Variants in CXCL12 observed in about 807,000 individuals in gnomAD.
CXCL12 encodes the protein stromal cell-derived factor 1.
Under a neutral mutation model 10.7 loss-of-function variants are expected in CXCL12, and 4 were observed. The observed-to-expected ratio is 0.37, with a 90% CI of 0.18 to 0.86. The LOEUF (loss-of-function observed/expected upper bound fraction) is 0.86, where lower values mean the gene tolerates loss of function less well. CXCL12 is among the 40% of genes least tolerant of loss of function. The pLI is 0.43. For synonymous variants in CXCL12, 54 were observed against 45.4 expected (o/e 1.19, Z -0.77); for missense variants, 122 against 110.4 (o/e 1.10, Z -0.47).
In CXCL12 at chr10:44,384,811, C is replaced by A. The variant is rs768541317; in HGVS notation, c.61+134G>T. ...CGCGACACCGCACCAGAGCGCCCAG[C>A]TAAGCGAGCTGCCTCCACCCCCACT... On this transcript the variant is annotated intron_variant, in intron 1 of 2. Transcript: ENST00000343575. 213 of 852,464 alleles carry A rather than the reference C, an allele frequency of 2.5e-4. 2 individuals are homozygous for A. Among genetic ancestry groups the A allele is most frequent in the Middle Eastern group, 1.1e-3 (3 of 2,780 alleles). The allele number at this position is 852,464 out of a possible 1,614,324, so 52.8% of individuals were successfully genotyped here. A position where few individuals can be genotyped will look rare whatever the true frequency, so the allele number is the denominator to read the frequency against.
downstream of CXCL12, chr10:44,372,757 A>T: frequency 2.1e-6 from 3 of 1,437,872 alleles, no homozygotes; most frequent in Non-Finnish European, 2.7e-6. Context: ...CTGGCCTCAC[A>T]CTGCTGCCTC....
chr10:44,380,785 G>T lies in CXCL12; in HGVS notation c.157C>A (p.Pro53Thr), dbSNP rs1839606329. The T allele has an allele frequency of 2.5e-6, 4 of 1,613,870 alleles. No individual in the cohort carries two copies. Among genetic ancestry groups the T allele is most frequent in the Non-Finnish European group, 3.4e-6 (4 of 1,179,844 alleles). ...NVKHLKILNT[P>T]NCALQIVARL... ...TACACAATCTGAAGGGCACAGTTTG[G>T]AGTGTTGAGAATTTTGAGATGCTTG... The change falls in exon 2 of 3, where the codon CCA becomes ACA. Residue 53 changes from proline to threonine, a missense_variant. Pro to Thr is a conservative substitution (Grantham distance 38). Coordinates refer to ENST00000343575, the MANE Select transcript of CXCL12 (RefSeq NM_199168.4).
chr10:44,373,235 T>C (rs911122671), downstream of CXCL12: 4 of 1,562,480 alleles, frequency 2.6e-6, no homozygotes, highest in Admixed American at 3.8e-5. Context: ...CCTGGGGCCC[T>C]GCCCTGGCAG....
intron 1 of CXCL12, among the ~76,000 whole-genome samples, chr10:44,382,566 G>T (rs1486863449): frequency 6.6e-6 from 1 of 152,130 alleles, no homozygotes; most frequent in Non-Finnish European, 1.5e-5. Context: ...GCTGGGATGG[G>T]TGGGGCTGTG....
At position 44,377,219 on chromosome 10, in the gene CXCL12, G is replaced by A. The variant is rs953555411; in HGVS notation, c.*1414C>T. On this transcript the variant is annotated 3_prime_UTR_variant, in exon 3 of 3. Transcript: ENST00000343575. ...AGTACAAGTGAAAAAATACACTGTG[G>A]CTAACATTGAAAAGCTGCAATCACA... 3.0e-6 allele frequency: 3 copies of A among 987,278 alleles called. No homozygotes were observed. The highest frequency in any genetic ancestry group is 3.5e-5 in the African/African-American group (2 of 57,172). The allele number at this position is 987,278 out of a possible 1,614,324, so 61.2% of individuals were successfully genotyped here.
At position 44,378,687 on chromosome 10, in the gene CXCL12, A is replaced by C; in HGVS notation, c.216T>G (p.Ile72Met). The C allele has an allele frequency of 6.2e-7, 1 of 1,614,214 alleles. No individual in the cohort carries two copies. Residue 72 changes from isoleucine to methionine, a missense_variant, in exon 3 of 3, where the codon ATT (isoleucine) becomes ATG (methionine). Physicochemically the swap from Ile to Met is conservative, Grantham distance 10. Transcript: ENST00000343575. ...CCTGAATCCACTTTAGCTTCGGGTC[A>C]ATGCACACTTGTCTGTTGTTGTTCT... Reference protein sequence around the residue: ...RLKNNNRQVCIDPKLKWIQEY... With the variant: ...RLKNNNRQVCMDPKLKWIQEY...
Position 44,384,966 on chromosome 10 carries a change from T to TCAGCAGGAGGAC in CXCL12, c.39_40insGTCCTCCTGCTG (p.Leu13_Thr14insValLeuLeuLeu), listed in dbSNP as rs1415196105. 1 of 1,307,222 alleles carries TCAGCAGGAGGAC rather than the reference T, an allele frequency of 7.6e-7. No homozygotes were observed. Among genetic ancestry groups the TCAGCAGGAGGAC allele is most frequent in the African/African-American group, 1.7e-5 (1 of 58,838 alleles). The allele number at this position is 1,307,222 out of a possible 1,614,324, so 81.0% of individuals were successfully genotyped here. On this transcript the variant is annotated inframe_insertion, in exon 1 of 3. Transcript: ENST00000343575. ...TTACCGTCGCTGAGGCAGAGCGCGG[T>TCAGCAGGAGGAC]CAGCACGAGGACCAGCACGACCACG...
downstream of CXCL12, chr10:44,372,516 T>C (rs1839339123): frequency 1.2e-5 from 7 of 598,470 alleles, no homozygotes; most frequent in Non-Finnish European, 1.6e-5. Flanking sequence ...GATTGGACAA[T>C]GGACAATATT....
chr10:44,373,979 A>G (rs266089), downstream of CXCL12, among the ~76,000 whole-genome samples: 125,796 of 152,136 alleles, frequency 0.83, 52,430 homozygotes, highest in Admixed American at 0.91. Flanking sequence ...CAGGCTCTTC[A>G]CTCTTCCACG....
intron 1 of CXCL12, among the ~76,000 whole-genome samples, chr10:44,383,615 G>A (rs866389924): frequency 7.3e-6 from 1 of 137,540 alleles, no homozygotes; most frequent in South Asian, 2.7e-4. Flanking sequence ...CTTGCGGGGG[G>A]GGGGGGGGGT....
Position 44,378,716 on chromosome 10 carries a change from G to C in CXCL12, c.187C>G (p.Leu63Val), listed in dbSNP as rs1470986835. ...PNCALQIVARLKNNNRQVCID... is the reference protein window; with the variant it reads ...PNCALQIVARVKNNNRQVCID... ...CACACTTGTCTGTTGTTGTTCTTCA[G>C]CCGGGCTCTGTGAAAACAGAATGGC... Residue 63 changes from leucine (L) to valine (V), a missense_variant, in exon 3 of 3, where the codon CTG becomes GTG. Coordinates refer to ENST00000343575, the MANE Select transcript of CXCL12 (RefSeq NM_199168.4). 1 of 1,614,172 alleles carries C rather than the reference G, an allele frequency of 6.2e-7. No individual in the cohort carries two copies. The highest frequency in any genetic ancestry group is 1.7e-5 in the Admixed American group (1 of 60,028).
chr10:44,384,895 G>T, intron 1 of CXCL12, 50 bp downstream of exon 1: 1 of 1,508,502 alleles, frequency 6.6e-7, no homozygotes, highest in East Asian at 2.6e-5. Context: ...GCGCCGGGCG[G>T]GAGCCGAAGC....
At chr10:44,370,362 A>C (rs1478115792) in exon 4 of CXCL12, 1 of 152,670 alleles carries the variant, frequency 6.6e-6, no homozygotes, top group African/African-American at 2.4e-5. Flanking sequence ...ACAATACAAA[A>C]TACAGTATTC....
Position 44,377,749 on chromosome 10 carries a change from T to C in CXCL12, c.*884A>G, listed in dbSNP as rs183966906. 3.5e-3 allele frequency: 5,609 copies of C among 1,598,376 alleles called. 17 individuals carry two copies. The highest frequency in any genetic ancestry group is 4.1e-3 in the Non-Finnish European group (4,871 of 1,179,776). ...CTTTTGCGGGTAAGCAGGGGGACCA[T>C]TACACATCCCCAGGAGAGGGCCAGC... is the stretch of plus-strand genomic sequence containing the variant. On this transcript the variant is annotated 3_prime_UTR_variant, in exon 3 of 3. Coordinates refer to ENST00000343575, the MANE Select transcript of CXCL12 (RefSeq NM_199168.4).
chr10:44,375,786 CG>C (rs1839432835), downstream of CXCL12: 1 of 1,422,944 alleles, frequency 7.0e-7, no homozygotes, highest in South Asian at 1.4e-5. Context: ...ATACAGAAGC[CG>C]GTGTGGCTGG....
chr10:44,384,842 G>C (rs1324429376), intron 1 of CXCL12, 103 bp downstream of exon 1: 3 of 1,180,378 alleles, frequency 2.5e-6, no homozygotes, highest in Non-Finnish European at 3.5e-6. Flanking sequence ...CCACTGTGTC[G>C]GGCGGCGCAA....
intron 1 of CXCL12, among the ~76,000 whole-genome samples, chr10:44,384,086 T>G (rs1839721048): frequency 6.6e-6 from 1 of 152,230 alleles, no homozygotes; most frequent in African/African-American, 2.4e-5. Flanking sequence ...CGGTTCCCAG[T>G]GGCCCAGGGC....
At chr10:44,382,224 T>C (rs1839653589) in intron 1 of CXCL12, among the ~76,000 whole-genome samples, 1 of 152,172 alleles carries the variant, frequency 6.6e-6, no homozygotes, top group South Asian at 2.1e-4. Context: ...CAGTTACACC[T>C]GATCTAACTC....
At chr10:44,372,915 T>A (rs2132036085), downstream of CXCL12, 1 of 1,535,874 alleles carries the variant, frequency 6.5e-7, no homozygotes, top group East Asian at 2.4e-5. Context: ...TGACTGGTCC[T>A]GGCACCCCCA....
Sources: allele counts gnomAD v4.1 joint callset (sites outside exome capture counted in the v4.1 genomes callset), GRCh38; gene constraint gnomAD v4.1.1; transcripts MANE v1.5; gene names NCBI Gene and HGNC (gene_info 2026-07-23, HGNC 2026-07-21).